The following PCSK2 variants were observed in gnomAD, a reference collection of about 807,000 sequenced individuals.
PCSK2 encodes the protein neuroendocrine convertase 2.
Under a neutral mutation model 69.7 loss-of-function variants are expected in PCSK2, and 14 were observed. That is an observed-to-expected ratio of 0.20 (90% CI 0.13 to 0.31). The LOEUF (loss-of-function observed/expected upper bound fraction) is 0.31. PCSK2 is among the 10% of genes least tolerant of loss of function. The pLI is 1.00. For synonymous variants in PCSK2, 307 were observed against 320.7 expected (o/e 0.96, Z 0.46); for missense variants, 544 against 842.5 (o/e 0.65, Z 4.39).
chr20:17,241,841 T>A (rs1489732909), intron 1 of PCSK2, among the ~76,000 whole-genome samples: 1 of 152,246 alleles, frequency 6.6e-6, no homozygotes, highest in Non-Finnish European at 1.5e-5. Flanking sequence ...TGTATCACCA[T>A]GATCCTAGCT....
intron 2 of PCSK2, among the ~76,000 whole-genome samples, chr20:17,298,363 G>A: frequency 6.6e-6 from 1 of 152,112 alleles, no homozygotes; most frequent in East Asian, 1.9e-4. Context: ...TTTGGCCCCA[G>A]GGGACACTTG....
chr20:17,289,014 T>C (rs1988609624), intron 2 of PCSK2, among the ~76,000 whole-genome samples: 1 of 152,180 alleles, frequency 6.6e-6, no homozygotes, highest in African/African-American at 2.4e-5. Context: ...GAAATAAGGA[T>C]GACAGATGTT....
At chr20:17,400,161 G>A (rs888637277) in intron 5 of PCSK2, among the ~76,000 whole-genome samples, 3 of 152,226 alleles carry the variant, frequency 2.0e-5, no homozygotes, top group African/African-American at 4.8e-5. Context: ...TTAGCTAAAT[G>A]TATATACTTG....
Position 17,409,357 on chromosome 20 carries a change from AG to A in PCSK2, c.620+20del. 6.3e-7 allele frequency: 1 copy of A among 1,574,904 alleles called. No homozygotes were observed. Among genetic ancestry groups the A allele is most frequent in the South Asian group, 1.1e-5 (1 of 90,268 alleles). On this transcript the variant is annotated intron_variant, in intron 6 of 11. Coordinates refer to ENST00000262545, the MANE Select transcript of PCSK2 (RefSeq NM_002594.5). ...TTTAACAGGTAAACTGGGCCTTGGG[AG>A]GTCTCTTTGACTTTAGGCTTTGGGG... is the stretch of plus-strand genomic sequence containing the variant.
chr20:17,473,781 C>T (rs2033244959), intron 11 of PCSK2, among the ~76,000 whole-genome samples: 1 of 152,144 alleles, frequency 6.6e-6, no homozygotes, highest in South Asian at 2.1e-4. Flanking sequence ...TCTTTCTCTA[C>T]CAAGTTCGCT....
At chr20:17,414,222 C>A (rs1263724415) in intron 6 of PCSK2, among the ~76,000 whole-genome samples, 1 of 151,528 alleles carries the variant, frequency 6.6e-6, no homozygotes, top group African/African-American at 2.4e-5. Flanking sequence ...AAAAACCCTT[C>A]AAAAAAAATC....
At chr20:17,450,017 CTTTTTTTTTTTTTT>C (rs61156656) in intron 8 of PCSK2, among the ~76,000 whole-genome samples, 6 of 61,836 alleles carry the variant, frequency 9.7e-5, no homozygotes, top group Non-Finnish European at 1.4e-4. Flanking sequence ...AATTTCTTCC[CTTTTTTTTTTTTTT>C]TTTTTTTTTT....
At chr20:17,305,493 C>T (rs974494115) in intron 2 of PCSK2, among the ~76,000 whole-genome samples, 22 of 152,132 alleles carry the variant, frequency 1.4e-4, no homozygotes, top group African/African-American at 5.1e-4. Context: ...CCATCAAAAC[C>T]CCAGGCTTGG....
intron 9 of PCSK2, among the ~76,000 whole-genome samples, chr20:17,454,318 T>C (rs1415353100): frequency 1.3e-5 from 2 of 152,238 alleles, no homozygotes; most frequent in Non-Finnish European, 2.9e-5. Flanking sequence ...CATCACACTG[T>C]AACCCTGTCT....
intron 2 of PCSK2, among the ~76,000 whole-genome samples, chr20:17,335,427 T>TGTGTGTGTGTGTGTGTG (rs74179104): frequency 1.4e-5 from 2 of 139,192 alleles, no homozygotes; most frequent in South Asian, 2.5e-4. Flanking sequence ...CAGCATCACT[T>TGTGTGTGTGTGTGTGTG]TGTGTGTGTG....
At chr20:17,298,252 G>A (rs1345951297) in intron 2 of PCSK2, among the ~76,000 whole-genome samples, 2 of 152,106 alleles carry the variant, frequency 1.3e-5, no homozygotes, top group Non-Finnish European at 2.9e-5. Flanking sequence ...ATTGATAGAG[G>A]TGGGGTTTTT....
At chr20:17,321,496 C>G (rs535967617) in intron 2 of PCSK2, among the ~76,000 whole-genome samples, 5 of 152,280 alleles carry the variant, frequency 3.3e-5, no homozygotes, top group African/African-American at 1.2e-4. Context: ...AGCTAATAAT[C>G]CTTTCTTTCT....
At chr20:17,352,861 G>A (rs920523862) in intron 2 of PCSK2, among the ~76,000 whole-genome samples, 1 of 152,066 alleles carries the variant, frequency 6.6e-6, no homozygotes, top group Non-Finnish European at 1.5e-5. Context: ...CCTAATTAAG[G>A]TGCTTCTGCA....
rs148643182 is a variant in PCSK2 at position 17,404,657 on chromosome 20, C to T, written c.544-4606C>T. Among the ~76,000 whole-genome samples, 20 of 152,248 alleles carry T rather than the reference C, an allele frequency of 1.3e-4. No homozygotes were observed. The East Asian group carries it at 3.7e-3, about 28-fold the overall frequency. ...TTCATACCAGATTCAGTGGCTGTAGCCCAGGAGAGAACGAGGTATGGGGCA... is the reference window on the plus strand; with the variant it reads ...TTCATACCAGATTCAGTGGCTGTAGTCCAGGAGAGAACGAGGTATGGGGCA... On this transcript the variant is annotated intron_variant, in intron 5 of 11. Transcript: ENST00000262545.
intron 2 of PCSK2, among the ~76,000 whole-genome samples, chr20:17,337,359 G>T (rs1990383181): frequency 1.3e-5 from 2 of 152,134 alleles, no homozygotes; most frequent in African/African-American, 4.8e-5. Context: ...GGCATTCTTG[G>T]GCTTGCTTTT....
intron 2 of PCSK2, among the ~76,000 whole-genome samples, chr20:17,309,374 T>C (rs377080164): frequency 1.1e-4 from 17 of 152,102 alleles, no homozygotes; most frequent in African/African-American, 4.1e-4. Flanking sequence ...AAAGCTGAAG[T>C]TCAAAAACAG....
In PCSK2 at chr20:17,365,557, A is replaced by G. The variant is rs897828085; in HGVS notation, c.506-3683A>G. On this transcript the variant is annotated intron_variant, in intron 4 of 11. Transcript: ENST00000262545. The stretch of plus-strand genomic sequence containing the variant: ...GCACCAACATCAAAGTCTAAAGCCC[A>G]GAGTCTCATCTAAATATCATCTAAA... 3.9e-5 allele frequency among the ~76,000 whole-genome samples: 6 copies of G among 152,294 alleles called. No individual in the cohort carries two copies. The East Asian group carries it at 1.2e-3, about 29-fold the overall frequency.
chr20:17,343,468 G>A (rs1990564924), intron 2 of PCSK2, among the ~76,000 whole-genome samples: 1 of 152,218 alleles, frequency 6.6e-6, no homozygotes, highest in Admixed American at 6.5e-5. Context: ...AGTAGAACTT[G>A]TCAGCAACCA....
At chr20:17,464,721 A>T (rs1273921795) in intron 10 of PCSK2, 10 of 152,662 alleles carry the variant, frequency 6.6e-5, no homozygotes, top group African/African-American at 2.4e-4. Context: ...CATGTTGTTC[A>T]GAGTACCTGG....
Sources: allele counts gnomAD v4.1 joint callset (sites outside exome capture counted in the v4.1 genomes callset), GRCh38; gene constraint gnomAD v4.1.1; transcripts MANE v1.5; gene names NCBI Gene and HGNC (gene_info 2026-07-23, HGNC 2026-07-21).